The following COL9A3 variants were observed in gnomAD, a reference collection of about 807,000 sequenced individuals.
The protein encoded by COL9A3 is collagen type IX alpha 3 chain, also known as collagen alpha-3(IX) chain.
Under a neutral mutation model 110.2 loss-of-function variants are expected in COL9A3, and 82 were observed. The ratio of observed to expected loss-of-function variants is 0.74; its 90% confidence interval spans 0.62 to 0.89. The LOEUF (loss-of-function observed/expected upper bound fraction) is 0.89. Among genes scored for constraint, COL9A3 ranks in the 40% least tolerant of loss-of-function variants. The pLI, the probability that COL9A3 is intolerant of heterozygous loss-of-function variation, is 0.00. For missense variants in COL9A3, 1,066 were observed against 981.3 expected, an observed-to-expected ratio of 1.09 and a Z score of -1.15; for synonymous variants, 494 against 403.8, an observed-to-expected ratio of 1.22 and a Z score of -2.68.
In COL9A3 at chr20:62,830,981, C is replaced by T. The variant is rs775691305; in HGVS notation, c.1287+393C>T. Among the ~76,000 whole-genome samples the T allele has an allele frequency of 1.2e-4, 18 of 151,658 alleles. No individual in the cohort carries two copies. In the South Asian group the frequency reaches 1.2e-3, roughly 11 times the overall value. ...GGTGGGAGGCTGCGGGAGCCTGGGC[C>T]GCTCTGCCTCCTGCCCTGCGTAGAC... On this transcript the variant is annotated intron_variant, in intron 24 of 31. Coordinates refer to ENST00000649368, the MANE Select transcript of COL9A3 (RefSeq NM_001853.4).
In COL9A3 at chr20:62,827,425, G is replaced by A. The variant is rs1669672228; in HGVS notation, c.846+131G>A. On this transcript the variant is annotated intron_variant, in intron 16 of 31. Transcript: ENST00000649368. ...GGGCTGCCTGGGTGGGCCTGGGGGT[G>A]CGTGGGGGTGAGCCTGACCCTGGAG... 4 of 922,550 alleles carry A rather than the reference G, an allele frequency of 4.3e-6. No homozygotes were observed. In the South Asian group the frequency reaches 4.6e-5, roughly 11 times the overall value. The allele number at this position is 922,550 out of a possible 1,614,324, so 57.1% of individuals were successfully genotyped here. A position where few individuals can be genotyped will look rare whatever the true frequency, so the allele number is the denominator to read the frequency against.
chr20:62,817,711 C>T (rs1990981403), intron 2 of COL9A3, 76 bp downstream of exon 2: 2 of 1,026,322 alleles, frequency 1.9e-6, no homozygotes, highest in African/African-American at 1.6e-5. Flanking sequence ...AGCTCCCCGG[C>T]CTGATGGAGA....
chr20:62,837,958 A>C (rs912112859), intron 30 of COL9A3, among the ~76,000 whole-genome samples: 4 of 152,236 alleles, frequency 2.6e-5, no homozygotes, highest in Non-Finnish European at 5.9e-5. Context: ...CTCTACTAAA[A>C]ATACAAAATT....
intron 17 of COL9A3, 124 bp downstream of exon 17, chr20:62,828,100 T>G: frequency 3.8e-5 from 39 of 1,016,698 alleles, no homozygotes; most frequent in Non-Finnish European, 4.8e-5. Context: ...AAATCTGGGT[T>G]AACGGTGGAA....
intron 17 of COL9A3, among the ~76,000 whole-genome samples, chr20:62,828,471 G>A (rs1015022413): frequency 2.6e-5 from 4 of 152,202 alleles, no homozygotes; most frequent in African/African-American, 9.7e-5. Context: ...CCGTAAAATG[G>A]GCCAGAACCA....
chr20:62,826,689 C>A, intron 14 of COL9A3, 78 bp from the exon 15 acceptor site: 2 of 1,513,314 alleles, frequency 1.3e-6, no homozygotes, highest in African/African-American at 1.4e-5. Context: ...TGTGTCTGGG[C>A]CGCCCCTGAG....
At chr20:62,833,165 C>T (rs1033324297) in intron 26 of COL9A3, 101 bp downstream of exon 26, 83 of 981,164 alleles carry the variant, frequency 8.5e-5, no homozygotes, top group Admixed American at 1.2e-4. Flanking sequence ...CTGCAGCTCC[C>T]GGTGGAAGAT....
chr20:62,821,266 G>T, intron 6 of COL9A3, 50 bp downstream of exon 6: 2 of 1,590,920 alleles, frequency 1.3e-6, no homozygotes, highest in South Asian at 1.1e-5. Context: ...TGGGGAGCTG[G>T]AGAGTCTGGT....
chr20:62,819,261 G>A lies in COL9A3; in HGVS notation c.223G>A (p.Glu75Lys), dbSNP rs906822613. Residue 75 changes from glutamate to lysine, a missense_variant, in exon 4 of 32, where the codon GAG (glutamate) becomes AAG (lysine). Physicochemically the swap from Glu to Lys is moderately conservative, Grantham distance 56. Coordinates refer to ENST00000649368, the MANE Select transcript of COL9A3 (RefSeq NM_001853.4). ...CCCAGGAAAGCCGGGGAAACCAGGA[G>A]AGGCTGGGCTGCCGGGACTGCCGGG... ...GAPGKPGKPGEAGLPGLPGVD... is the reference protein window; with the variant it reads ...GAPGKPGKPGKAGLPGLPGVD... The A allele has an allele frequency of 1.9e-6, 3 of 1,612,574 alleles. No homozygotes were observed. In the South Asian group the frequency reaches 3.3e-5, roughly 18 times the overall value.
chr20:62,832,046 A>G lies in COL9A3; in HGVS notation c.1288-108A>G, dbSNP rs140198853. The stretch of plus-strand genomic sequence containing the variant: ...CGGTGTTCACAGAAGCCCTTTGTGC[A>G]GCACAGATGGAGATGTGGGGAGGTG... On this transcript the variant is annotated intron_variant, in intron 24 of 31. Transcript: ENST00000649368. 1.1e-4 allele frequency: 127 copies of G among 1,117,078 alleles called. No individual in the cohort carries two copies. In the African/African-American group the frequency reaches 1.9e-3, roughly 17 times the overall value. 69.2% of individuals were successfully genotyped at this position (1,117,078 alleles called of 1,614,324 possible). A position where few individuals can be genotyped will look rare whatever the true frequency, so the allele number is the denominator to read the frequency against.
chr20:62,819,086 TA>T, intron 3 of COL9A3, 135 bp from the exon 4 acceptor site: 2 of 889,934 alleles, frequency 2.2e-6, no homozygotes, highest in Admixed American at 2.0e-5. Flanking sequence ...TGCCAGACAG[TA>T]GGGGGGACCC....
At chr20:62,834,167 C>T (rs1268629828) in intron 26 of COL9A3, among the ~76,000 whole-genome samples, 1 of 152,012 alleles carries the variant, frequency 6.6e-6, no homozygotes, top group Non-Finnish European at 1.5e-5. Context: ...AGCCACCGCC[C>T]CTGGCCTAAT....
In COL9A3 at chr20:62,817,583, G is replaced by GC. The variant is rs766668875; in HGVS notation, c.102dup (p.Gly35ArgfsTer15). The stretch of plus-strand genomic sequence containing the variant: ...CCGTTTCAGAGAGTGGGACTCCCCG[G>GC]CCCCCCCGGCCCCCCAGGGCCGCCC... On this transcript the variant is annotated frameshift_variant, in exon 2 of 32. Coordinates refer to ENST00000649368, the MANE Select transcript of COL9A3 (RefSeq NM_001853.4). LOFTEE classifies it high-confidence loss of function. 22 of 1,534,110 alleles carry GC rather than the reference G, an allele frequency of 1.4e-5. No homozygotes were observed. The highest frequency in any genetic ancestry group is 4.9e-5 in the East Asian group (2 of 40,478).
At chr20:62,839,372 C>A (rs1243403840) in intron 31 of COL9A3, among the ~76,000 whole-genome samples, 1 of 152,192 alleles carries the variant, frequency 6.6e-6, no homozygotes, top group African/African-American at 2.4e-5. Flanking sequence ...CCTGTGCATA[C>A]GTTGAATATT....
At chr20:62,830,909 C>G (rs533758838) in intron 24 of COL9A3, among the ~76,000 whole-genome samples, 1 of 150,670 alleles carries the variant, frequency 6.6e-6, no homozygotes, top group African/African-American at 2.4e-5. Flanking sequence ...AGGGCCCCGA[C>G]TGTGGCGCCT....
At chr20:62,823,404 T>C (rs2063526088) in intron 10 of COL9A3, among the ~76,000 whole-genome samples, 1 of 152,154 alleles carries the variant, frequency 6.6e-6, no homozygotes, top group Non-Finnish European at 1.5e-5. Flanking sequence ...TGTTTGGCCG[T>C]CCGTGGTGGC....
intron 10 of COL9A3, 127 bp from the exon 11 acceptor site, chr20:62,824,318 G>T: frequency 1.0e-6 from 1 of 966,286 alleles, no homozygotes; most frequent in South Asian, 1.4e-5. Context: ...GTCACCATGA[G>T]GAGTGGCCTC....
rs2063561519 is a variant in COL9A3 at position 62,827,257 on chromosome 20, G to A, written c.809G>A (p.Arg270Lys). The change falls in exon 16 of 32, where the codon AGG becomes AAG. Residue 270 changes from arginine to lysine, a missense_variant. Arg to Lys is a conservative substitution (Grantham distance 26). Coordinates refer to ENST00000649368, the MANE Select transcript of COL9A3 (RefSeq NM_001853.4). ...CCTTTCCAGGGTGACCGAGGCGAGA[G>A]GGGCCCAGAAGGGTTCCGCGGCCCC... is the stretch of plus-strand genomic sequence containing the variant. ...APGKAGDRGE[R>K]GPEGFRGPKG... 1.2e-6 allele frequency: 2 copies of A among 1,613,188 alleles called. No individual in the cohort carries two copies. Among genetic ancestry groups the A allele is most frequent in the East Asian group, 2.2e-5 (1 of 44,886 alleles).
chr20:62,825,464 G>C, intron 12 of COL9A3: 1 of 399,212 alleles, frequency 2.5e-6, no homozygotes, highest in South Asian at 3.3e-5. Flanking sequence ...TCACCTGCAG[G>C]CCGGGGGACC....
Sources: gnomAD v4.1 joint callset for allele counts (sites outside exome capture counted in the v4.1 genomes callset) on GRCh38, gnomAD v4.1.1 for gene constraint, MANE v1.5 for transcripts, NCBI Gene and HGNC (gene_info 2026-07-23, HGNC 2026-07-21) for gene names.